The following ZMIZ1 variants were observed in gnomAD, a reference collection of about 807,000 sequenced individuals.
The protein encoded by ZMIZ1 is zinc finger MIZ-type containing 1.
In ZMIZ1, 17 loss-of-function variants were observed where a neutral mutation model predicts 113.9. The observed-to-expected ratio is 0.15, with a 90% CI of 0.10 to 0.22. The LOEUF is 0.22. ZMIZ1 is among the 10% of genes least tolerant of loss of function. The probability of loss-of-function intolerance (pLI) is 1.00; values close to 1 mark genes in which losing one functional copy is unlikely to be tolerated. For missense variants in ZMIZ1, 1,059 were observed against 1,477.8 expected (o/e 0.72, Z 4.65); for synonymous variants, 607 against 603.1 (o/e 1.01, Z -0.09).
chr10:79,302,823 AGTTGGGACTATAGGTGCAT>A (rs1489143073), intron 18 of ZMIZ1, among the ~76,000 whole-genome samples: 1 of 145,054 alleles, frequency 6.9e-6, no homozygotes, highest in African/African-American at 2.6e-5. Flanking sequence ...CCTCCCAAGG[AGTTGGGACTATAGGTGCAT>A]GCCACCACGC....
At chr10:79,184,421 A>G (rs1035025749) in intron 4 of ZMIZ1, among the ~76,000 whole-genome samples, 20 of 152,164 alleles carry the variant, frequency 1.3e-4, no homozygotes, top group Admixed American at 1.2e-3. Context: ...TAACCCCTCA[A>G]TTCCCTCTAT....
rs557028607 is a variant in ZMIZ1 at position 79,270,291 on chromosome 10, C to T, written c.281-6890C>T. On this transcript the variant is annotated intron_variant, in intron 7 of 24. Coordinates refer to ENST00000334512, the MANE Select transcript of ZMIZ1 (RefSeq NM_020338.4). ...AGATGTTGGGAAGCTGGCTCTTCCT[C>T]GGTGCCTTCCTGCCTGGTCCCCTTC... 3.3e-5 allele frequency among the ~76,000 whole-genome samples: 5 copies of T among 152,322 alleles called. No individual in the cohort carries two copies. The East Asian group carries it at 5.8e-4, about 18-fold the overall frequency.
intron 4 of ZMIZ1, among the ~76,000 whole-genome samples, chr10:79,186,962 G>A (rs1020518444): frequency 2.0e-5 from 3 of 152,310 alleles, no homozygotes; most frequent in South Asian, 2.1e-4. Context: ...TTGGCACCTG[G>A]CTCCACCTCT....
chr10:79,190,532 C>T (rs1847555803), intron 4 of ZMIZ1, among the ~76,000 whole-genome samples: 1 of 152,226 alleles, frequency 6.6e-6, no homozygotes, highest in African/African-American at 2.4e-5. Context: ...TGTCTGCCTT[C>T]TGATTCCTCT....
At chr10:79,129,537 C>T (rs896536576) in intron 2 of ZMIZ1, among the ~76,000 whole-genome samples, 19 of 152,300 alleles carry the variant, frequency 1.2e-4, no homozygotes, top group Non-Finnish European at 2.8e-4. Context: ...GGCCTGGCTC[C>T]AGTCTCCTCT....
At chr10:79,234,019 A>G (rs1015420849) in intron 7 of ZMIZ1, among the ~76,000 whole-genome samples, 1 of 152,176 alleles carries the variant, frequency 6.6e-6, no homozygotes, top group Non-Finnish European at 1.5e-5. Context: ...CCTCCTGGAG[A>G]CCAGGCATGA....
intron 2 of ZMIZ1, among the ~76,000 whole-genome samples, chr10:79,121,149 C>T (rs186992940): frequency 1.2e-3 from 187 of 152,316 alleles, no homozygotes; most frequent in Non-Finnish European, 4.6e-4. Context: ...GGATCCACGT[C>T]ATCAGATGTG....
At chr10:79,114,050 C>T (rs1843879237) in intron 1 of ZMIZ1, among the ~76,000 whole-genome samples, 1 of 152,204 alleles carries the variant, frequency 6.6e-6, no homozygotes, top group African/African-American at 2.4e-5. Context: ...CGGACTCCTA[C>T]CCCCGATCCC....
chr10:79,211,401 C>T (rs1432120494), intron 6 of ZMIZ1, among the ~76,000 whole-genome samples: 1 of 151,970 alleles, frequency 6.6e-6, no homozygotes, highest in East Asian at 1.9e-4. Context: ...CCCAAGGGAC[C>T]TAGGTGGGGC....
At chr10:79,277,401 TG>T in intron 8 of ZMIZ1, 76 bp downstream of exon 8, 1 of 1,474,556 alleles carries the variant, frequency 6.8e-7, no homozygotes, top group Non-Finnish European at 9.0e-7. Flanking sequence ...GACATGTCCC[TG>T]GGGTGGGGGC....
intron 1 of ZMIZ1, among the ~76,000 whole-genome samples, chr10:79,094,968 A>AAG (rs1554849657): frequency 6.6e-4 from 99 of 150,370 alleles, no homozygotes; most frequent in East Asian, 1.4e-3. Context: ...AAAAAAAAAA[A>AAG]AGAGAGAGAG....
chr10:79,162,990 G>A (rs751564222), intron 4 of ZMIZ1, among the ~76,000 whole-genome samples: 91 of 152,222 alleles, frequency 6.0e-4, no homozygotes, highest in Non-Finnish European at 1.1e-3. Context: ...CTCATCATGG[G>A]GTGGCATTTC....
intron 23 of ZMIZ1, among the ~76,000 whole-genome samples, chr10:79,310,388 C>T (rs2132106999): frequency 6.6e-6 from 1 of 152,348 alleles, no homozygotes; most frequent in East Asian, 1.9e-4. Context: ...GCAGAAGGCG[C>T]CTTCGTACCC....
chr10:79,096,768 T>A (rs1022512316), intron 1 of ZMIZ1, among the ~76,000 whole-genome samples: 1 of 152,006 alleles, frequency 6.6e-6, no homozygotes, highest in African/African-American at 2.4e-5. Context: ...ACAGATAAGA[T>A]CCCTGTCTGC....
intron 11 of ZMIZ1, chr10:79,292,798 TG>T: frequency 2.2e-6 from 1 of 463,560 alleles, no homozygotes. Context: ...TGCTGCTCCC[TG>T]ACCTTCTGAA....
At position 79,315,179 on chromosome 10, in the gene ZMIZ1, G is replaced by T. The variant is rs953792756; in HGVS notation, c.*2430G>T. 3 of 152,724 alleles carry T rather than the reference G, an allele frequency of 2.0e-5. No individual in the cohort carries two copies. Among genetic ancestry groups the T allele is most frequent in the African/African-American group, 7.2e-5 (3 of 41,434 alleles). The allele number at this position is 152,724 out of a possible 1,614,324, so 9.5% of individuals were successfully genotyped here. A position where few individuals can be genotyped will look rare whatever the true frequency, so the allele number is the denominator to read the frequency against. ...CCAGCAAGCCTCCACCAGCAAGCTC[G>T]GCCCAGAGCTTCCCTTCCGGCTGGC... On this transcript the variant is annotated 3_prime_UTR_variant, in exon 25 of 25. Transcript: ENST00000334512.
At chr10:79,112,392 G>A (rs1227378308) in intron 1 of ZMIZ1, among the ~76,000 whole-genome samples, 1 of 152,180 alleles carries the variant, frequency 6.6e-6, no homozygotes, top group Non-Finnish European at 1.5e-5. Context: ...AGGAGCAGGG[G>A]AATGGCTGAT....
At chr10:79,283,262 G>T (rs896157420) in intron 8 of ZMIZ1, among the ~76,000 whole-genome samples, 2 of 152,166 alleles carry the variant, frequency 1.3e-5, no homozygotes, top group Admixed American at 6.5e-5. Context: ...GCAGGTCGGG[G>T]AACAGGCCCT....
At chr10:79,258,380 G>T (rs1002638306) in intron 7 of ZMIZ1, among the ~76,000 whole-genome samples, 3 of 151,838 alleles carry the variant, frequency 2.0e-5, no homozygotes, top group Non-Finnish European at 4.4e-5. Context: ...GCCAAATCCT[G>T]TCTTAAAAGA....
Sources: gnomAD v4.1 joint callset for allele counts (sites outside exome capture counted in the v4.1 genomes callset) on GRCh38, gnomAD v4.1.1 for gene constraint, MANE v1.5 for transcripts, NCBI Gene and HGNC (gene_info 2026-07-23, HGNC 2026-07-21) for gene names.